The following KIF26B variants were observed in gnomAD, a reference collection of about 807,000 sequenced individuals.
KIF26B encodes the protein kinesin-like protein KIF26B.
Under a neutral mutation model 151.2 loss-of-function variants are expected in KIF26B, and 63 were observed. The ratio of observed to expected loss-of-function variants is 0.42; its 90% CI spans 0.34 to 0.51. The LOEUF is 0.51. Ranked by LOEUF, KIF26B falls within the 20% of genes least tolerant of loss-of-function variation. KIF26B has a pLI of 0.07. For synonymous variants in KIF26B, 1,357 were observed against 1,262.1 expected, an observed-to-expected ratio of 1.08 and a Z score of -1.59; for missense variants, 2,813 against 2,913.6, an observed-to-expected ratio of 0.97 and a Z score of 0.79.
At chr1:245,617,933 C>T (rs996817786) in intron 9 of KIF26B, among the ~76,000 whole-genome samples, 7 of 152,104 alleles carry the variant, frequency 4.6e-5, no homozygotes, top group South Asian at 4.1e-4. Flanking sequence ...CTGCTGCTCC[C>T]GTCTCCTGGC....
chr1:245,379,357 G>A (rs774688541), intron 3 of KIF26B, among the ~76,000 whole-genome samples: 11 of 151,948 alleles, frequency 7.2e-5, no homozygotes, highest in African/African-American at 2.7e-4. Flanking sequence ...AAATAGATTC[G>A]AATCATTTAA....
intron 2 of KIF26B, among the ~76,000 whole-genome samples, chr1:245,266,988 C>G (rs1286927848): frequency 6.6e-6 from 1 of 152,172 alleles, no homozygotes; most frequent in Admixed American, 6.5e-5. Context: ...CTGGTCTTAT[C>G]CTTATCCTTT....
chr1:245,397,479 G>A (rs575577203), intron 3 of KIF26B, among the ~76,000 whole-genome samples: 1 of 152,168 alleles, frequency 6.6e-6, no homozygotes, highest in South Asian at 2.1e-4. Context: ...GCCTCCCAAA[G>A]TGCTGGGATT....
At chr1:245,631,242 A>C (rs1211134284) in intron 9 of KIF26B, among the ~76,000 whole-genome samples, 1 of 152,140 alleles carries the variant, frequency 6.6e-6, no homozygotes, top group African/African-American at 2.4e-5. Context: ...TTCCCCACTT[A>C]TTATGATGTT....
intron 2 of KIF26B, among the ~76,000 whole-genome samples, chr1:245,258,020 TAAAAAA>T (rs5782331): frequency 6.8e-6 from 1 of 146,528 alleles, no homozygotes; most frequent in African/African-American, 2.5e-5. Context: ...GACTCTGTCT[TAAAAAA>T]AAAAAATGTT....
chr1:245,635,728 T>C (rs1455472425), intron 9 of KIF26B, among the ~76,000 whole-genome samples: 1 of 152,160 alleles, frequency 6.6e-6, no homozygotes, highest in Non-Finnish European at 1.5e-5. Context: ...AGATCATTGA[T>C]TTGAAGCCAT....
At chr1:245,377,710 C>G (rs148982065) in intron 3 of KIF26B, among the ~76,000 whole-genome samples, 1 of 152,082 alleles carries the variant, frequency 6.6e-6, no homozygotes, top group Non-Finnish European at 1.5e-5. Context: ...AAGGTACATG[C>G]GGGCTCTTTC....
rs563465387 is a variant in KIF26B, at chr1:245,707,271, C to G, written c.*4665C>G. On this transcript the variant is annotated 3_prime_UTR_variant, in exon 15 of 15. Coordinates refer to ENST00000407071, the MANE Select transcript of KIF26B (RefSeq NM_018012.4). ...TATCAAGCCTTCATTGCATACAAAC[C>G]TTAATCTCTAAGCATAGTTGTTCCC... 12 of 152,294 alleles carry G rather than the reference C, an allele frequency of 7.9e-5. No homozygotes were observed. The highest frequency in any genetic ancestry group is 1.3e-4 in the Non-Finnish European group (9 of 68,036). 9.4% of individuals were successfully genotyped at this position (152,294 alleles called of 1,614,324 possible). A position where few individuals can be genotyped will look rare whatever the true frequency, so the allele number is the denominator to read the frequency against.
In KIF26B at chr1:245,322,456, A is replaced by T. The variant is rs142769700; in HGVS notation, c.466-44378A>T. Among the ~76,000 whole-genome samples, 6 of 152,328 alleles carry T rather than the reference A, an allele frequency of 3.9e-5. No individual in the cohort carries two copies. The East Asian group carries it at 1.2e-3, about 29-fold the overall frequency. ...TAGATCTCATCTCCCTCTCACCCCA[A>T]ATCCAAGAACAGAACAACTCAGACA... On this transcript the variant is annotated intron_variant, in intron 2 of 14. Coordinates refer to ENST00000407071, the MANE Select transcript of KIF26B (RefSeq NM_018012.4).
chr1:245,567,273 T>G (rs746245480), intron 5 of KIF26B, among the ~76,000 whole-genome samples: 12 of 152,252 alleles, frequency 7.9e-5, no homozygotes, highest in Non-Finnish European at 1.6e-4. Flanking sequence ...GCTCCTGATT[T>G]ATTCCATTGT....
At chr1:245,668,395 A>G (rs186765580) in intron 10 of KIF26B, among the ~76,000 whole-genome samples, 2 of 152,318 alleles carry the variant, frequency 1.3e-5, no homozygotes, top group Admixed American at 6.5e-5. Context: ...CAAAATAAAC[A>G]TCACTAAAAA....
chr1:245,262,405 A>G (rs1180236375), intron 2 of KIF26B, among the ~76,000 whole-genome samples: 1 of 152,006 alleles, frequency 6.6e-6, no homozygotes, highest in Non-Finnish European at 1.5e-5. Flanking sequence ...TTTCTTTTCC[A>G]GGTAGAGTCT....
chr1:245,289,043 T>G lies in KIF26B; in HGVS notation c.466-77791T>G, dbSNP rs148868494. Reference sequence around the variant, plus strand: ...TAATGCTACCTTTTTCTGCATGACTTACATATAGAGGAAGTCGGGTTGGTT... The same window carrying G: ...TAATGCTACCTTTTTCTGCATGACTGACATATAGAGGAAGTCGGGTTGGTT... On this transcript the variant is annotated intron_variant, in intron 2 of 14. Coordinates refer to ENST00000407071, the MANE Select transcript of KIF26B (RefSeq NM_018012.4). Among the ~76,000 whole-genome samples the G allele has an allele frequency of 4.8e-3, 731 of 152,308 alleles. 3 individuals are homozygous for G. The highest frequency in any genetic ancestry group is 0.011 in the Admixed American group (170 of 15,300).
chr1:245,169,694 T>C (rs531320985), intron 2 of KIF26B, among the ~76,000 whole-genome samples: 31 of 152,222 alleles, frequency 2.0e-4, no homozygotes, highest in Non-Finnish European at 4.1e-4. Flanking sequence ...AGGCATCCAC[T>C]TGGGGGAAGG....
At chr1:245,503,577 C>T (rs748447970) in intron 4 of KIF26B, among the ~76,000 whole-genome samples, 2 of 152,126 alleles carry the variant, frequency 1.3e-5, no homozygotes, top group African/African-American at 4.8e-5. Flanking sequence ...GAGAATTTCT[C>T]GGTTCTTTTG....
At chr1:245,268,104 T>C (rs1203079666) in intron 2 of KIF26B, among the ~76,000 whole-genome samples, 1 of 151,998 alleles carries the variant, frequency 6.6e-6, no homozygotes, top group Non-Finnish European at 1.5e-5. Context: ...CCCAGGAGGT[T>C]GAGGCTGCAG....
intron 10 of KIF26B, among the ~76,000 whole-genome samples, chr1:245,678,075 G>T (rs571535113): frequency 6.6e-6 from 1 of 152,328 alleles, no homozygotes; most frequent in Non-Finnish European, 1.5e-5. Flanking sequence ...ACCTTTCAGG[G>T]GACAAAAGAA....
intron 5 of KIF26B, among the ~76,000 whole-genome samples, chr1:245,581,716 T>C (rs1222304059): frequency 6.6e-6 from 1 of 152,142 alleles, no homozygotes; most frequent in African/African-American, 2.4e-5. Context: ...TATTGAACTT[T>C]GTATATCACT....
At chr1:245,457,683 T>C (rs1005117843) in intron 4 of KIF26B, among the ~76,000 whole-genome samples, 3 of 152,228 alleles carry the variant, frequency 2.0e-5, no homozygotes, top group Admixed American at 1.3e-4. Context: ...AGTGTACAAA[T>C]GGTATCATAC....
Sources: allele counts gnomAD v4.1 joint callset (sites outside exome capture counted in the v4.1 genomes callset), GRCh38; gene constraint gnomAD v4.1.1; transcripts MANE v1.5; gene names NCBI Gene and HGNC (gene_info 2026-07-23, HGNC 2026-07-21).